Variants in TTC29 observed in about 807,000 individuals in gnomAD.
The protein encoded by TTC29 is tetratricopeptide repeat protein 29.
A neutral mutation model predicts 58.1 loss-of-function variants in TTC29; 49 were observed. That is an observed-to-expected ratio of 0.84 (90% CI 0.67 to 1.07). The LOEUF is 1.07. Among genes scored for constraint, TTC29 ranks in the 50% least tolerant of loss-of-function variants. The probability of loss-of-function intolerance (pLI) is 0.00; values close to 1 mark genes in which losing one functional copy is unlikely to be tolerated. For missense variants in TTC29, 582 were observed against 555.6 expected (o/e 1.05, Z -0.48); for synonymous variants, 209 against 196.8 (o/e 1.06, Z -0.52).
chr4:146,906,755 T>C (rs1412824271), intron 5 of TTC29, among the ~76,000 whole-genome samples: 1 of 152,242 alleles, frequency 6.6e-6, no homozygotes, highest in African/African-American at 2.4e-5. Flanking sequence ...TTTAATTTTC[T>C]ATATTTCAAC....
intron 6 of TTC29, among the ~76,000 whole-genome samples, chr4:146,884,733 G>A (rs1469118964): frequency 6.6e-6 from 1 of 152,042 alleles, no homozygotes; most frequent in African/African-American, 2.4e-5. Flanking sequence ...AGTACACTAG[G>A]ATTTAACACC....
chr4:146,924,509 T>C (rs536232044), intron 4 of TTC29, among the ~76,000 whole-genome samples: 3 of 151,940 alleles, frequency 2.0e-5, no homozygotes, highest in African/African-American at 7.2e-5. Flanking sequence ...AATTTAGCCA[T>C]TTCATCTAAG....
chr4:146,917,617 A>ATTATTTATATAATATC (rs1734319166), intron 4 of TTC29, among the ~76,000 whole-genome samples: 5 of 143,148 alleles, frequency 3.5e-5, no homozygotes, highest in African/African-American at 7.5e-5. Context: ...TTTATAATAT[A>ATTATTTATATAATATC]TAATTAGATA....
chr4:146,875,965 T>A (rs1028680375), intron 6 of TTC29, among the ~76,000 whole-genome samples: 4 of 152,326 alleles, frequency 2.6e-5, no homozygotes, highest in Middle Eastern at 3.4e-3. Context: ...ATGTAAATAC[T>A]CTTTTATGGT....
At chr4:146,708,308 T>TTATATATA (rs59963230) in intron 11 of TTC29, among the ~76,000 whole-genome samples, 90 of 62,098 alleles carry the variant, frequency 1.4e-3, no homozygotes, top group African/African-American at 3.4e-3. Context: ...TATGGGAAGT[T>TTATATATA]TATATATATA....
intron 6 of TTC29, among the ~76,000 whole-genome samples, chr4:146,899,277 T>C (rs759544708): frequency 3.9e-5 from 6 of 152,190 alleles, no homozygotes; most frequent in Non-Finnish European, 7.3e-5. Context: ...TCCCCAGTCA[T>C]GTCTGGCCCC....
At chr4:146,793,332 T>G (rs1002043415) in intron 11 of TTC29, among the ~76,000 whole-genome samples, 71 of 152,274 alleles carry the variant, frequency 4.7e-4, no homozygotes, top group African/African-American at 1.6e-3. Context: ...CACCCAAATC[T>G]TCAGCAACCA....
chr4:146,724,729 G>A (rs935605059), intron 11 of TTC29, among the ~76,000 whole-genome samples: 2 of 152,086 alleles, frequency 1.3e-5, no homozygotes, highest in Non-Finnish European at 2.9e-5. Flanking sequence ...CGCCAGGCTG[G>A]TCTTGAGCTC....
chr4:146,931,354 C>T (rs923256196), intron 4 of TTC29, among the ~76,000 whole-genome samples: 46 of 151,966 alleles, frequency 3.0e-4, no homozygotes, highest in African/African-American at 1.1e-3. Context: ...TAAGTTAATG[C>T]AAAATATTTA....
At chr4:146,843,003 C>T (rs1414792794) in intron 8 of TTC29, among the ~76,000 whole-genome samples, 1 of 152,144 alleles carries the variant, frequency 6.6e-6, no homozygotes, top group Non-Finnish European at 1.5e-5. Flanking sequence ...AGTGTCTGAA[C>T]ATGATTCAGA....
chr4:146,900,218 C>G (rs925253), intron 6 of TTC29, among the ~76,000 whole-genome samples: 11,620 of 152,162 alleles, frequency 0.076, 1,506 homozygotes, highest in African/African-American at 0.26. Context: ...TTTTATCTGT[C>G]AGGCAATAAA....
In TTC29 at chr4:146,781,372, C is replaced by T. The variant is rs140818636; in HGVS notation, c.1330+22085G>A. Among the ~76,000 whole-genome samples, 571 of 151,926 alleles carry T rather than the reference C, an allele frequency of 3.8e-3. 1 individual carries two copies. The highest frequency in any genetic ancestry group is 5.8e-3 in the Non-Finnish European group (396 of 67,828). On this transcript the variant is annotated intron_variant, in intron 11 of 12. Coordinates refer to ENST00000325106, the MANE Select transcript of TTC29 (RefSeq NM_031956.4). ...CCTCTAGAGAAGGGATTAAGAGACT[C>T]GAGCTCTCAATGGAAGATTTCTTTC...
intron 11 of TTC29, among the ~76,000 whole-genome samples, chr4:146,720,854 G>A (rs1023382730): frequency 2.6e-5 from 4 of 152,088 alleles, no homozygotes; most frequent in African/African-American, 9.7e-5. Context: ...AATATACACA[G>A]TGTCAGTCAC....
intron 9 of TTC29, among the ~76,000 whole-genome samples, chr4:146,828,133 G>A (rs143074892): frequency 6.1e-4 from 93 of 151,900 alleles, no homozygotes; most frequent in Admixed American, 1.3e-3. Flanking sequence ...AATTATGACC[G>A]ATCTTCCACA....
intron 4 of TTC29, among the ~76,000 whole-genome samples, chr4:146,926,176 T>C (rs1734917919): frequency 1.3e-5 from 2 of 152,186 alleles, no homozygotes; most frequent in African/African-American, 4.8e-5. Context: ...TTGCATTAGG[T>C]GTGCACATTT....
chr4:146,824,540 G>A (rs1441326574), intron 9 of TTC29, among the ~76,000 whole-genome samples: 4 of 144,228 alleles, frequency 2.8e-5, no homozygotes, highest in African/African-American at 5.4e-5. Context: ...GATGTTCATC[G>A]GGGATATTGG....
At chr4:146,890,487 G>C (rs959511693) in intron 6 of TTC29, among the ~76,000 whole-genome samples, 1 of 152,144 alleles carries the variant, frequency 6.6e-6, no homozygotes, top group Non-Finnish European at 1.5e-5. Flanking sequence ...ACCCAGCAAA[G>C]AGATAACTAG....
chr4:146,880,339 T>C lies in TTC29; in HGVS notation c.587-5411A>G, dbSNP rs549522856. On this transcript the variant is annotated intron_variant, in intron 6 of 12. Coordinates refer to ENST00000325106, the MANE Select transcript of TTC29 (RefSeq NM_031956.4). Reference sequence around the variant, plus strand: ...GAGTTTGGCATGCATTTATAGTTTTTTACCTAAAGGAACAAGCACTCAAAA... The same window carrying C: ...GAGTTTGGCATGCATTTATAGTTTTCTACCTAAAGGAACAAGCACTCAAAA... Among the ~76,000 whole-genome samples, 5 of 152,220 alleles carry C rather than the reference T, an allele frequency of 3.3e-5. No homozygotes were observed. In the South Asian group the frequency reaches 8.3e-4, roughly 25 times the overall value.
At chr4:146,758,773 A>T (rs1021877992) in intron 11 of TTC29, among the ~76,000 whole-genome samples, 2 of 152,136 alleles carry the variant, frequency 1.3e-5, no homozygotes, top group South Asian at 4.1e-4. Context: ...GATGGAAATT[A>T]AAAAATTCTT....
Sources: allele counts gnomAD v4.1 joint callset (sites outside exome capture counted in the v4.1 genomes callset), GRCh38; gene constraint gnomAD v4.1.1; transcripts MANE v1.5; gene names NCBI Gene and HGNC (gene_info 2026-07-23, HGNC 2026-07-21).